Variants in CYP19A1 observed in about 807,000 individuals in gnomAD.
The protein encoded by CYP19A1 is aromatase.
CYP19A1 carries 32 observed loss-of-function variants against 44.4 expected under a neutral mutation model. The ratio of observed to expected loss-of-function variants is 0.72; its 90% CI spans 0.54 to 0.97. CYP19A1 has a LOEUF of 0.97. CYP19A1 is among the 50% of genes least tolerant of loss of function. The pLI is 0.00. For missense variants in CYP19A1, 598 were observed against 637.8 expected (o/e 0.94, Z 0.67); for synonymous variants, 212 against 215.6 (o/e 0.98, Z 0.14).
rs1220827475 is a variant in CYP19A1, at chr15:51,212,452, G to T, written c.1131C>A (p.Ala377=). 1 of 1,610,794 alleles carries T rather than the reference G, an allele frequency of 6.2e-7. No individual in the cohort carries two copies. Residue 377 remains alanine, a synonymous_variant, in exon 9 of 10, where the codon GCC becomes GCA. Transcript: ENST00000396402. ...QPVVDLVMRK[A]LEDDVIDGYP... ...AGCCATCGATTACATCATCTTCTAA[G>T]GCTTTGCGCATGACCAAGTCCACGA...
At chr15:51,266,524 C>T (rs1260677704) in intron 1 of CYP19A1, among the ~76,000 whole-genome samples, 1 of 152,228 alleles carries the variant, frequency 6.6e-6, no homozygotes, top group Non-Finnish European at 1.5e-5. Flanking sequence ...CTTCTTCAAA[C>T]CTCGGAGTCG....
chr15:51,265,544 T>C (rs758965585), intron 1 of CYP19A1, among the ~76,000 whole-genome samples: 10 of 152,126 alleles, frequency 6.6e-5, no homozygotes, highest in Non-Finnish European at 1.0e-4. Context: ...CAGGCAAAAG[T>C]GCATTGCTCT....
rs961328155 is a variant in CYP19A1 at position 51,293,503 on chromosome 15, T to C, written c.-39+44992A>G. 2.6e-5 allele frequency: 4 copies of C among 152,416 alleles called. No homozygotes were observed. The East Asian group carries it at 7.7e-4, about 29-fold the overall frequency. 9.4% of individuals were successfully genotyped at this position (152,416 alleles called of 1,614,324 possible). A position where few individuals can be genotyped will look rare whatever the true frequency, so the allele number is the denominator to read the frequency against. ...GCCATTTGCCAGAGAAAATGTGCTTTAATTCCTTGATGCCAAAGAATGCCT... is the reference window on the plus strand; with the variant it reads ...GCCATTTGCCAGAGAAAATGTGCTTCAATTCCTTGATGCCAAAGAATGCCT... On this transcript the variant is annotated intron_variant, in intron 1 of 9. Coordinates refer to ENST00000396402, the MANE Select transcript of CYP19A1 (RefSeq NM_000103.4).
intron 6 of CYP19A1, 101 bp downstream of exon 6, chr15:51,218,440 A>T (rs2031774700): frequency 8.0e-6 from 12 of 1,505,734 alleles, no homozygotes; most frequent in Non-Finnish European, 1.1e-5. Context: ...GGCTCTAGAG[A>T]GCAGAAAAGT....
At chr15:51,268,112 C>G (rs915792488) in intron 1 of CYP19A1, among the ~76,000 whole-genome samples, 3 of 152,206 alleles carry the variant, frequency 2.0e-5, no homozygotes, top group Non-Finnish European at 4.4e-5. Context: ...TAAAGGACTT[C>G]GCCAAAGCAT....
chr15:51,252,971 A>G (rs1432219839), intron 1 of CYP19A1, among the ~76,000 whole-genome samples: 1 of 152,092 alleles, frequency 6.6e-6, no homozygotes, highest in Admixed American at 6.5e-5. Flanking sequence ...GAAAAGCATT[A>G]CTCTGCAAGA....
chr15:51,323,620 C>T (rs574510679), intron 1 of CYP19A1, among the ~76,000 whole-genome samples: 1 of 152,070 alleles, frequency 6.6e-6, no homozygotes, highest in South Asian at 2.1e-4. Context: ...CATGAAAGTG[C>T]TTGCAAACTG....
At chr15:51,247,352 C>T (rs2034107233) in intron 1 of CYP19A1, among the ~76,000 whole-genome samples, 1 of 152,204 alleles carries the variant, frequency 6.6e-6, no homozygotes, top group Non-Finnish European at 1.5e-5. Context: ...CACTGACTGC[C>T]TAGTGAACTC....
rs770854903 is a variant in CYP19A1 at position 51,236,919 on chromosome 15, C to T, written c.236G>A (p.Arg79Gln). The T allele has an allele frequency of 1.3e-5, 21 of 1,614,184 alleles. No individual in the cohort carries two copies. The highest frequency in any genetic ancestry group is 2.2e-5 in the South Asian group (2 of 91,082). Reference protein sequence around the residue: ...GIGSACNYYNRVYGEFMRVWI... With the variant: ...GIGSACNYYNQVYGEFMRVWI... ...GACTCGCATGAATTCTCCATATACC[C>T]GGTTGTAGTAGTTGCAGGCACTGCC... The change falls in exon 3 of 10, where the codon CGG (arginine) becomes CAG (glutamine). Residue 79 changes from arginine (R) to glutamine (Q), a missense_variant. Physicochemically the swap from Arg to Gln is conservative, Grantham distance 43. Coordinates refer to ENST00000396402, the MANE Select transcript of CYP19A1 (RefSeq NM_000103.4).
At chr15:51,252,784 C>T (rs527241184) in intron 1 of CYP19A1, among the ~76,000 whole-genome samples, 1 of 148,284 alleles carries the variant, frequency 6.7e-6, no homozygotes, top group Admixed American at 6.6e-5. Context: ...TAGCCACTAG[C>T]CACTGTTTTA....
intron 1 of CYP19A1, among the ~76,000 whole-genome samples, chr15:51,285,516 G>A (rs1364733438): frequency 2.0e-5 from 3 of 152,192 alleles, no homozygotes; most frequent in Non-Finnish European, 4.4e-5. Context: ...TGGGAAAAAA[G>A]CTGAGGCAGG....
chr15:51,244,375 T>G (rs2033953790), intron 1 of CYP19A1, among the ~76,000 whole-genome samples: 2 of 152,228 alleles, frequency 1.3e-5, no homozygotes, highest in African/African-American at 4.8e-5. Context: ...CATTAATGCT[T>G]GGGTGCAGGG....
At chr15:51,256,584 G>A (rs987396501) in intron 1 of CYP19A1, among the ~76,000 whole-genome samples, 2 of 152,236 alleles carry the variant, frequency 1.3e-5, no homozygotes, top group Middle Eastern at 3.4e-3. Context: ...ATGGCAAGTG[G>A]CAAATACCAA....
intron 3 of CYP19A1, among the ~76,000 whole-genome samples, chr15:51,231,494 CT>C (rs1444336240): frequency 6.6e-6 from 1 of 152,086 alleles, no homozygotes; most frequent in African/African-American, 2.4e-5. Context: ...CCTCAACTCC[CT>C]TGACCCTCTT....
At position 51,242,892 on chromosome 15, in the gene CYP19A1, G is replaced by A. The variant is rs974697649; in HGVS notation, c.21C>T (p.Asn7=). Residue 7 remains asparagine (N), a synonymous_variant, in exon 2 of 10, where the codon AAC becomes AAT. Coordinates refer to ENST00000396402, the MANE Select transcript of CYP19A1 (RefSeq NM_000103.4). The stretch of plus-strand genomic sequence containing the variant: ...TGCTGGTGATGTTATAATGTATCGG[G>A]TTCAGCATTTCCAAAACCATCTTGT... MVLEML[N]PIHYNITSIV... 6.2e-7 allele frequency: 1 copy of A among 1,611,032 alleles called. No individual in the cohort carries two copies. Among genetic ancestry groups the A allele is most frequent in the Non-Finnish European group, 8.5e-7 (1 of 1,177,180 alleles).
intron 1 of CYP19A1, among the ~76,000 whole-genome samples, chr15:51,259,915 C>T (rs1370660967): frequency 6.6e-6 from 1 of 152,120 alleles, no homozygotes; most frequent in African/African-American, 2.4e-5. Flanking sequence ...GTTAGGATTC[C>T]AGTATTGGGG....
rs1170896371 is a variant in CYP19A1, at chr15:51,208,059, CTTT to C, written c.*2746_*2748del. On this transcript the variant is annotated 3_prime_UTR_variant, in exon 10 of 10. Transcript: ENST00000396402. ...ATCATACGCTCCATTTGACTTACTA[CTTT>C]GACAAGGTTTAATTAGTATGTCTTT... The C allele has an allele frequency of 2.0e-5, 3 of 152,202 alleles. No individual in the cohort carries two copies. The highest frequency in any genetic ancestry group is 1.3e-4 in the Admixed American group (2 of 15,268). The allele number at this position is 152,202 out of a possible 1,614,324, so 9.4% of individuals were successfully genotyped here.
chr15:51,315,292 C>T (rs115469882), intron 1 of CYP19A1, among the ~76,000 whole-genome samples: 191 of 152,268 alleles, frequency 1.3e-3, no homozygotes, highest in African/African-American at 4.5e-3. Flanking sequence ...AGTACACTTC[C>T]GTCCCAACTG....
At chr15:51,335,365 G>A (rs530406695) in intron 1 of CYP19A1, among the ~76,000 whole-genome samples, 6 of 152,214 alleles carry the variant, frequency 3.9e-5, no homozygotes, top group Middle Eastern at 3.4e-3. Flanking sequence ...ATCTCACAAC[G>A]GAAGCAATAT....
Sources: gnomAD v4.1 joint callset for allele counts (sites outside exome capture counted in the v4.1 genomes callset) on GRCh38, gnomAD v4.1.1 for gene constraint, MANE v1.5 for transcripts, NCBI Gene and HGNC (gene_info 2026-07-23, HGNC 2026-07-21) for gene names.